The following CPNE1 variants were observed in gnomAD, a reference collection of about 807,000 sequenced individuals.
The protein encoded by CPNE1 is copine 1.
CPNE1 carries 58 observed loss-of-function variants against 63.2 expected under a neutral mutation model. That is an observed-to-expected ratio of 0.92 (90% CI 0.74 to 1.14). The LOEUF (loss-of-function observed/expected upper bound fraction) is 1.14, where lower values mean the gene tolerates loss of function less well. Ranked by LOEUF, CPNE1 falls within the 50% of genes most tolerant of loss-of-function variation. The pLI, the probability that CPNE1 is intolerant of heterozygous loss-of-function variation, is 0.00. For synonymous variants in CPNE1, 237 were observed against 249.0 expected (o/e 0.95, Z 0.45); for missense variants, 672 against 661.7 (o/e 1.02, Z -0.17).
At chr20:35,641,449 CAAT>C (rs1198293815) in intron 1 of CPNE1, among the ~76,000 whole-genome samples, 1 of 152,130 alleles carries the variant, frequency 6.6e-6, no homozygotes, top group African/African-American at 2.4e-5. Flanking sequence ...TTCCTAGCCA[CAAT>C]AATGACATAC....
Position 35,627,307 on chromosome 20 carries a change from G to T in CPNE1, c.1209C>A (p.Ala403=). 6.2e-7 allele frequency: 1 copy of T among 1,611,812 alleles called. No homozygotes were observed. Among genetic ancestry groups the T allele is most frequent in the Non-Finnish European group, 8.5e-7 (1 of 1,179,050 alleles). The change falls in exon 14 of 16, where the codon GCC becomes GCA. Residue 403 remains alanine, a synonymous_variant. Coordinates refer to ENST00000397443, the MANE Select transcript of CPNE1 (RefSeq NM_152925.3). The stretch of plus-strand genomic sequence containing the variant: ...AGGCAGTCCCCTGATGTGCAGCCTG[G>T]GCTGCAAACCTGGCCACATGGTTGA... ...PIINHVARFA[A]QAAHQGTASQ...
intron 1 of CPNE1, chr20:35,655,424 C>T: frequency 8.5e-7 from 1 of 1,179,908 alleles, no homozygotes; most frequent in Non-Finnish European, 1.2e-6. Flanking sequence ...TGACCAGCTA[C>T]CATATTAGGC....
At chr20:35,653,582 T>C in intron 1 of CPNE1, 1 of 1,614,220 alleles carries the variant, frequency 6.2e-7, no homozygotes, top group Non-Finnish European at 8.5e-7. Context: ...CCTTGCCCAT[T>C]GTTATCAACA....
intron 1 of CPNE1, among the ~76,000 whole-genome samples, chr20:35,635,062 C>G (rs1191252677): frequency 6.6e-6 from 1 of 151,976 alleles, no homozygotes; most frequent in Non-Finnish European, 1.5e-5. Context: ...TGTTTCTACC[C>G]CAAACACTTT....
At chr20:35,639,769 C>T (rs1291798507) in intron 1 of CPNE1, among the ~76,000 whole-genome samples, 1 of 152,206 alleles carries the variant, frequency 6.6e-6, no homozygotes, top group Admixed American at 6.5e-5. Flanking sequence ...CTTCTCACTC[C>T]ACGACTTCTC....
intron 1 of CPNE1, among the ~76,000 whole-genome samples, chr20:35,641,902 G>A (rs1023736507): frequency 3.3e-5 from 5 of 152,204 alleles, no homozygotes; most frequent in South Asian, 2.1e-4. Context: ...GTGTGCTGGC[G>A]CAAGCTTGTA....
chr20:35,639,150 T>C (rs1005463426), intron 1 of CPNE1, among the ~76,000 whole-genome samples: 1 of 150,910 alleles, frequency 6.6e-6, no homozygotes, highest in African/African-American at 2.4e-5. Flanking sequence ...AGTTAAGGCA[T>C]GTTGAAATGT....
At chr20:35,660,315 C>G (rs1312079687) in intron 1 of CPNE1, among the ~76,000 whole-genome samples, 1 of 152,152 alleles carries the variant, frequency 6.6e-6, no homozygotes. Context: ...TGGGTTCAAG[C>G]TATTCTCATG....
intron 1 of CPNE1, among the ~76,000 whole-genome samples, chr20:35,648,000 G>A (rs1221355260): frequency 6.6e-6 from 1 of 151,670 alleles, no homozygotes; most frequent in African/African-American, 2.4e-5. Flanking sequence ...AGGAGGTGGA[G>A]GTTGCAGTGA....
Position 35,632,665 on chromosome 20 carries a change from G to A in CPNE1, c.161C>T (p.Ser54Leu), listed in dbSNP as rs1376430362. ...TAGAGTCTTGGAGAACTCAGGGCTT[G>A]AGCAGTTCCGCACCCGTTCAGTCCG... ...LGRTERVRNC[S>L]SPEFSKTLQL... The change falls in exon 3 of 16, where the codon TCA (serine) becomes TTA (leucine). Residue 54 changes from serine to leucine, a missense_variant. Ser to Leu is a moderately radical substitution (Grantham distance 145, BLOSUM62 -2). Coordinates refer to ENST00000397443, the MANE Select transcript of CPNE1 (RefSeq NM_152925.3). 9 of 1,251,884 alleles carry A rather than the reference G, an allele frequency of 7.2e-6. No individual in the cohort carries two copies. Among genetic ancestry groups the A allele is most frequent in the Non-Finnish European group, 9.4e-6 (8 of 849,064 alleles). 77.5% of individuals were successfully genotyped at this position (1,251,884 alleles called of 1,614,324 possible). A position where few individuals can be genotyped will look rare whatever the true frequency, so the allele number is the denominator to read the frequency against.
At chr20:35,631,450 A>G (rs752735382) in intron 8 of CPNE1, 42 bp downstream of exon 8, 20 of 1,605,302 alleles carry the variant, frequency 1.2e-5, no homozygotes, top group Non-Finnish European at 1.6e-5. Flanking sequence ...AGCTTCAGCT[A>G]TCTAGGCCCA....
Position 35,626,323 on chromosome 20 carries a change from G to A in CPNE1, c.1532C>T (p.Ser511Leu). Residue 511 changes from serine (S) to leucine (L), a missense_variant, in exon 16 of 16, where the codon TCA (serine) becomes TTA (leucine). Ser to Leu is a moderately radical substitution (Grantham distance 145, BLOSUM62 -2). Coordinates refer to ENST00000397443, the MANE Select transcript of CPNE1 (RefSeq NM_152925.3). ...VLAEVPTQLV[S>L]YFRAQGWAPL... ...GGCCCAACCCTGGGCCCTGAAGTAT[G>A]AGACCAGTTGTGTGGGCACTTCTGC... The A allele has an allele frequency of 6.2e-7, 1 of 1,614,098 alleles. No individual in the cohort carries two copies. Among genetic ancestry groups the A allele is most frequent in the Non-Finnish European group, 8.5e-7 (1 of 1,179,994 alleles).
chr20:35,636,579 C>G (rs2032497799), intron 1 of CPNE1, among the ~76,000 whole-genome samples: 1 of 152,176 alleles, frequency 6.6e-6, no homozygotes, highest in Admixed American at 6.5e-5. Context: ...GCAGGCGGAT[C>G]ACTTGAGGTC....
At chr20:35,657,472 G>C (rs2033965514) in intron 1 of CPNE1, among the ~76,000 whole-genome samples, 1 of 152,054 alleles carries the variant, frequency 6.6e-6, no homozygotes, top group Non-Finnish European at 1.5e-5. Context: ...ACTTGAGAGA[G>C]AGAGAGAGAC....
chr20:35,630,407 A>G (rs750533134), intron 13 of CPNE1, 32 bp downstream of exon 13: 1 of 1,602,890 alleles, frequency 6.2e-7, no homozygotes, highest in Non-Finnish European at 8.5e-7. Flanking sequence ...TTGTGTGGAC[A>G]GACCTGCCTC....
chr20:35,630,976 T>C lies in CPNE1; in HGVS notation c.920A>G (p.Tyr307Cys). The C allele has an allele frequency of 6.2e-6, 10 of 1,613,948 alleles. No homozygotes were observed. The highest frequency in any genetic ancestry group is 8.5e-6 in the Non-Finnish European group (10 of 1,179,942). ...CTCATTGACCCCTGTTGGACTCAGG[T>C]AGTGTAGGGAGTCAGGTGAGGAGGG... ...GDPSSPDSLH[Y>C]LSPTGVNEYL... is the part of the protein sequence containing the mutation. The change falls in exon 11 of 16, where the codon TAC becomes TGC. Residue 307 changes from tyrosine (Y) to cysteine (C), a missense_variant. Transcript: ENST00000397443.
chr20:35,632,267 T>A, intron 4 of CPNE1, 33 bp from the exon 5 acceptor site: 1 of 1,611,656 alleles, frequency 6.2e-7, no homozygotes, highest in Non-Finnish European at 8.5e-7. Flanking sequence ...CCTCATGAAT[T>A]CATTGATGTT....
rs201918169 is a variant in CPNE1, at chr20:35,627,366, G to A, written c.1150C>T (p.Arg384Cys). ...GCAAAGTTGGTAGGGCCATAGAGGC[G>A]AACTTGGGGCAGGGCTTGGCGGTAG... Reference protein sequence around the residue: ...DAYRQALPQVRLYGPTNFAPI... With the variant: ...DAYRQALPQVCLYGPTNFAPI... The change falls in exon 14 of 16, where the codon CGC (arginine) becomes TGC (cysteine). Residue 384 changes from arginine (R) to cysteine (C), a missense_variant. By Grantham distance (180) the Arg-to-Cys change is radical. Coordinates refer to ENST00000397443, the MANE Select transcript of CPNE1 (RefSeq NM_152925.3). The A allele has an allele frequency of 1.7e-4, 274 of 1,614,050 alleles. No homozygotes were observed. The highest frequency in any genetic ancestry group is 3.3e-4 in the East Asian group (15 of 44,872).
At chr20:35,646,657 A>G (rs2033122618) in intron 1 of CPNE1, among the ~76,000 whole-genome samples, 1 of 152,118 alleles carries the variant, frequency 6.6e-6, no homozygotes, top group Non-Finnish European at 1.5e-5. Flanking sequence ...TTTACTATAT[A>G]AGCAAGCAAA....
Sources: allele counts gnomAD v4.1 joint callset (sites outside exome capture counted in the v4.1 genomes callset), GRCh38; gene constraint gnomAD v4.1.1; transcripts MANE v1.5; gene names NCBI Gene and HGNC (gene_info 2026-07-23, HGNC 2026-07-21).